TBXAS1: variants seen among roughly 807,000 people sequenced by gnomAD.
The protein encoded by TBXAS1 is thromboxane A synthase 1.
In TBXAS1, 48 loss-of-function variants were observed where a neutral mutation model predicts 60.7. The observed-to-expected ratio is 0.79, with a 90% CI of 0.63 to 1.01. The LOEUF is 1.01. TBXAS1 is among the 50% of genes least tolerant of loss of function. TBXAS1 has a pLI of 0.00. For missense variants in TBXAS1, 685 were observed against 686.3 expected (o/e 1.00, Z 0.02); for synonymous variants, 287 against 269.7 (o/e 1.06, Z -0.63).
In TBXAS1 at chr7:140,004,072, C is replaced by A. The variant is rs1250075765; in HGVS notation, c.1135-3019C>A. Among the ~76,000 whole-genome samples the A allele has an allele frequency of 6.6e-6, 1 of 152,246 alleles. No individual in the cohort carries two copies. Among genetic ancestry groups the A allele is most frequent in the Non-Finnish European group, 1.5e-5 (1 of 68,050 alleles). ...AATCCACAAGGCCGAATGTGGCCAA[C>A]AATGGGTCTCCACTTCCCTGTGTTC... On this transcript the variant is annotated intron_variant, in intron 9 of 12. Coordinates refer to ENST00000448866, the MANE Select transcript of TBXAS1 (RefSeq NM_001061.7). This position sits in a 1 kb window ranked among gnomAD's most constrained non-coding sequence, Gnocchi z 5.1.
intron 4 of TBXAS1, among the ~76,000 whole-genome samples, chr7:139,809,153 G>GTAGATAGATAGA (rs60399618): frequency 1.6e-3 from 235 of 150,152 alleles, no homozygotes; most frequent in African/African-American, 5.1e-3. Flanking sequence ...TAGGAGATAG[G>GTAGATAGATAGA]TAGATAGATA....
chr7:139,948,766 C>G (rs747749942), intron 5 of TBXAS1, among the ~76,000 whole-genome samples: 2 of 151,974 alleles, frequency 1.3e-5, no homozygotes, highest in Admixed American at 1.3e-4. Flanking sequence ...AGAAGAACTG[C>G]GGGGTTTGTG....
rs1810398351 is a variant in TBXAS1 at position 139,962,019 on chromosome 7, C to T, written c.920C>T (p.Thr307Ile). 1 of 1,614,256 alleles carries T rather than the reference C, an allele frequency of 6.2e-7. No individual in the cohort carries two copies. ...ATCGTCAGAGACGTTTTCTCCTCTACTGGGTGCAAGCCGAACCCTTCCCGG... is the reference window on the plus strand; with the variant it reads ...ATCGTCAGAGACGTTTTCTCCTCTATTGGGTGCAAGCCGAACCCTTCCCGG... ...FDIVRDVFSS[T>I]GCKPNPSRQH... The change falls in exon 9 of 13, where the codon ACT becomes ATT. Residue 307 changes from threonine (T) to isoleucine (I), a missense_variant. Physicochemically the swap from Thr to Ile is moderately conservative, Grantham distance 89. Transcript: ENST00000448866.
At chr7:140,001,410 C>CAGGT (rs1421757917) in intron 9 of TBXAS1, among the ~76,000 whole-genome samples, 3 of 152,156 alleles carry the variant, frequency 2.0e-5, no homozygotes, top group Non-Finnish European at 2.9e-5. Context: ...GACAGAGGAC[C>CAGGT]AGGTGTGCCA....
At chr7:139,982,668 C>T (rs1172818788) in intron 9 of TBXAS1, among the ~76,000 whole-genome samples, 6 of 152,148 alleles carry the variant, frequency 3.9e-5, no homozygotes, top group Non-Finnish European at 7.4e-5. Flanking sequence ...TAGTTGATTT[C>T]ATTTCTTTAA....
At chr7:139,952,012 A>AAGAAAG (rs746618111) in intron 5 of TBXAS1, among the ~76,000 whole-genome samples, 43 of 111,354 alleles carry the variant, frequency 3.9e-4, no homozygotes, top group South Asian at 8.8e-4. Flanking sequence ...GAAAGAAAGA[A>AAGAAAG]AAAGAAAGGA....
At chr7:139,982,802 G>GT (rs1161654284) in intron 9 of TBXAS1, among the ~76,000 whole-genome samples, 3 of 152,106 alleles carry the variant, frequency 2.0e-5, no homozygotes, top group African/African-American at 7.2e-5. Flanking sequence ...GAACGAGGAG[G>GT]TTTTTTAAAA....
At chr7:139,985,051 C>T (rs1812344353) in intron 9 of TBXAS1, among the ~76,000 whole-genome samples, 1 of 152,224 alleles carries the variant, frequency 6.6e-6, no homozygotes. Flanking sequence ...ATGCCCTCCC[C>T]AGGATTCTGC....
chr7:139,950,197 TA>T (rs1394864773), intron 5 of TBXAS1, among the ~76,000 whole-genome samples: 1 of 152,000 alleles, frequency 6.6e-6, no homozygotes, highest in African/African-American at 2.4e-5. Context: ...CACGCCCAGC[TA>T]ATTTTTATAT....
Position 139,999,460 on chromosome 7 carries a change from G to A in TBXAS1, c.1135-7631G>A, listed in dbSNP as rs1322521606. On this transcript the variant is annotated intron_variant, in intron 9 of 12. Transcript: ENST00000448866. This position sits in a 1 kb window ranked among gnomAD's most constrained non-coding sequence, Gnocchi z 4.3. ...ACTCGCTTGAACCCGGGAGGTGGAG[G>A]TTGCAGTGAGCCGAGATTGTACCAT... Among the ~76,000 whole-genome samples the A allele has an allele frequency of 6.6e-6, 1 of 152,182 alleles. No individual in the cohort carries two copies. Among genetic ancestry groups the A allele is most frequent in the Non-Finnish European group, 1.5e-5 (1 of 68,034 alleles).
intron 5 of TBXAS1, among the ~76,000 whole-genome samples, chr7:139,949,490 T>C (rs1171645252): frequency 2.6e-5 from 4 of 152,226 alleles, no homozygotes; most frequent in African/African-American, 9.6e-5. Flanking sequence ...TATAAAAATG[T>C]GGCTTAGACT....
In TBXAS1 at chr7:139,986,722, C is replaced by CATATATATATATAT. The variant is rs1430609067; in HGVS notation, c.1135-20365_1135-20352dup. ...TTTTTATGGCTGAGTAGTATTCCAT[C>CATATATATATATAT]ATATATATATATATATACATACATA... On this transcript the variant is annotated intron_variant, in intron 9 of 12. Coordinates refer to ENST00000448866, the MANE Select transcript of TBXAS1 (RefSeq NM_001061.7). Among the ~76,000 whole-genome samples, 10 of 65,996 alleles carry CATATATATATATAT rather than the reference C, an allele frequency of 1.5e-4. 1 individual carries two copies. Among genetic ancestry groups the CATATATATATATAT allele is most frequent in the Admixed American group, 5.6e-4 (3 of 5,380 alleles). 43.3% of individuals were successfully genotyped at this position (65,996 alleles called of 152,430 possible).
chr7:139,843,176 A>G (rs1799577362), intron 1 of TBXAS1, among the ~76,000 whole-genome samples: 1 of 152,016 alleles, frequency 6.6e-6, no homozygotes, highest in Admixed American at 6.6e-5. Context: ...TCTTGGTTTA[A>G]CTGAACTCCT....
At chr7:139,938,224 G>C (rs993776640) in intron 5 of TBXAS1, among the ~76,000 whole-genome samples, 2 of 152,188 alleles carry the variant, frequency 1.3e-5, no homozygotes, top group African/African-American at 2.4e-5. Flanking sequence ...GCAGGAGATG[G>C]AGAGTGACTT....
At chr7:139,958,535 C>G (rs750654685) in intron 8 of TBXAS1, among the ~76,000 whole-genome samples, 4 of 152,168 alleles carry the variant, frequency 2.6e-5, no homozygotes, top group Non-Finnish European at 5.9e-5. Flanking sequence ...ATGGCCTTTC[C>G]TTAGCTGGCT....
At chr7:139,829,574 T>C in intron 1 of TBXAS1, 95 bp downstream of exon 1, 1 of 1,153,014 alleles carries the variant, frequency 8.7e-7, no homozygotes, top group Non-Finnish European at 1.3e-6. Flanking sequence ...AGTGTGTTTT[T>C]CTTCTTTTCT....
At chr7:139,780,546 G>T (rs568385210) in intron 1 of TBXAS1, among the ~76,000 whole-genome samples, 2 of 152,300 alleles carry the variant, frequency 1.3e-5, no homozygotes, top group East Asian at 1.9e-4. Flanking sequence ...ATGCTCCCTT[G>T]TGTCCAGCAC....
chr7:140,007,497 A>G (rs1232552933), intron 10 of TBXAS1, among the ~76,000 whole-genome samples: 5 of 152,094 alleles, frequency 3.3e-5, no homozygotes, highest in African/African-American at 7.2e-5. Context: ...TCATTCATTC[A>G]TTCGTTCATT....
chr7:139,795,972 A>G (rs1024803495), intron 4 of TBXAS1, among the ~76,000 whole-genome samples: 5 of 152,114 alleles, frequency 3.3e-5, no homozygotes, highest in Non-Finnish European at 7.4e-5. Context: ...CATATTATAT[A>G]CCCTTAAGAA....
Sources: allele counts gnomAD v4.1 joint callset (sites outside exome capture counted in the v4.1 genomes callset), GRCh38; gene constraint gnomAD v4.1.1; non-coding constraint Gnocchi (gnomAD v3.1); transcripts MANE v1.5; gene names NCBI Gene and HGNC (gene_info 2026-07-23, HGNC 2026-07-21).